VPS8: variants seen among roughly 807,000 people sequenced by gnomAD.
The protein encoded by VPS8 is VPS8 subunit of CORVET complex, also known as vacuolar protein sorting-associated protein 8 homolog.
Under a neutral mutation model 216.4 loss-of-function variants are expected in VPS8, and 129 were observed. That is an observed-to-expected ratio of 0.60 (90% confidence interval 0.52 to 0.69). The LOEUF (loss-of-function observed/expected upper bound fraction) is 0.69. Among genes scored for constraint, VPS8 ranks in the 30% least tolerant of loss-of-function variants. The pLI, the probability that VPS8 is intolerant of heterozygous loss-of-function variation, is 0.00. For missense variants in VPS8, 1,531 were observed against 1,683.5 expected, an observed-to-expected ratio of 0.91 and a Z score of 1.59; for synonymous variants, 571 against 565.4, an observed-to-expected ratio of 1.01 and a Z score of -0.14.
intron 36 of VPS8, among the ~76,000 whole-genome samples, chr3:184,949,127 GA>G (rs1190704577): frequency 6.6e-6 from 1 of 152,008 alleles, no homozygotes; most frequent in Non-Finnish European, 1.5e-5. Context: ...GCAACACAGT[GA>G]AACTCTATCT....
intron 23 of VPS8, among the ~76,000 whole-genome samples, chr3:184,895,408 CA>C (rs2108941327): frequency 6.6e-6 from 1 of 151,848 alleles, no homozygotes; most frequent in East Asian, 1.9e-4. Flanking sequence ...TGGTATATAA[CA>C]GGCAAGTTAT....
At chr3:184,828,876 C>T (rs143806451) in intron 3 of VPS8, among the ~76,000 whole-genome samples, 101 of 152,322 alleles carry the variant, frequency 6.6e-4, no homozygotes, top group African/African-American at 1.9e-3. Flanking sequence ...ACCCTAGAAG[C>T]TCATCTTGTG....
intron 15 of VPS8, among the ~76,000 whole-genome samples, chr3:184,860,311 C>CT (rs1726047179): frequency 1.3e-5 from 2 of 150,096 alleles, no homozygotes; most frequent in African/African-American, 4.9e-5. Context: ...AGTCACTGCA[C>CT]TCCAGCCTGG....
At chr3:184,899,783 T>C (rs1321883004) in intron 24 of VPS8, among the ~76,000 whole-genome samples, 1 of 152,226 alleles carries the variant, frequency 6.6e-6, no homozygotes, top group African/African-American at 2.4e-5. Flanking sequence ...AGATTCTATT[T>C]TGATGCATTC....
chr3:184,983,719 C>G (rs899061253), intron 42 of VPS8, among the ~76,000 whole-genome samples: 2 of 152,078 alleles, frequency 1.3e-5, no homozygotes, highest in Admixed American at 6.6e-5. Context: ...AGGAATTATA[C>G]TTAGAATCCA....
chr3:184,979,810 CTAT>C (rs1451032425), intron 40 of VPS8, among the ~76,000 whole-genome samples: 1 of 152,122 alleles, frequency 6.6e-6, no homozygotes, highest in Non-Finnish European at 1.5e-5. Flanking sequence ...TTCAAGGATA[CTAT>C]TGTTATGTGC....
chr3:184,940,160 A>G (rs900503180), intron 35 of VPS8, 37 bp from the exon 36 acceptor site: 2 of 1,303,666 alleles, frequency 1.5e-6, no homozygotes, highest in Non-Finnish European at 2.1e-6. Context: ...AATTTGTTTT[A>G]ATATTTAATT....
In VPS8 at chr3:184,870,698, A is replaced by G. The variant is rs371171038; in HGVS notation, c.1645-18A>G. ...AGAGATATATTTTAATGTCTATGCC[A>G]GGCTGTTTTCCTTACAGATGGTAGA... On this transcript the variant is annotated intron_variant, in intron 20 of 47. Transcript: ENST00000625842. 1.5e-4 allele frequency: 241 copies of G among 1,593,826 alleles called. No individual in the cohort carries two copies. The highest frequency in any genetic ancestry group is 3.3e-4 in the Middle Eastern group (2 of 6,044).
rs192012491 is a variant in VPS8 at position 184,977,178 on chromosome 3, C to T, written c.3421-5388C>T. ...CATTGTCACTGGTGTGAGATGGTAT[C>T]TTATTGATTTGCATTTCTCTGATGA... On this transcript the variant is annotated intron_variant, in intron 40 of 47. Transcript: ENST00000625842. Among the ~76,000 whole-genome samples, 175 of 152,074 alleles carry T rather than the reference C, an allele frequency of 1.2e-3. 2 individuals are homozygous for T. The highest frequency in any genetic ancestry group is 4.1e-3 in the African/African-American group (169 of 41,520).
intron 36 of VPS8, among the ~76,000 whole-genome samples, chr3:184,942,019 T>C (rs1742792314): frequency 6.6e-6 from 1 of 152,146 alleles, no homozygotes; most frequent in Admixed American, 6.5e-5. Flanking sequence ...TTATGTCTTA[T>C]ATAGGAGGTA....
intron 9 of VPS8, 128 bp downstream of exon 9, chr3:184,849,323 A>T (rs1265056550): frequency 3.6e-6 from 4 of 1,120,310 alleles, no homozygotes; most frequent in Non-Finnish European, 3.7e-6. Context: ...CTAACCAGAG[A>T]TTGCTGAATC....
chr3:184,955,592 A>G (rs761969966), intron 36 of VPS8, among the ~76,000 whole-genome samples: 4 of 151,692 alleles, frequency 2.6e-5, no homozygotes, highest in Non-Finnish European at 4.4e-5. Flanking sequence ...GGGCCCAGCT[A>G]TTGTCTCTTT....
At chr3:184,877,166 T>C (rs552510999) in intron 21 of VPS8, among the ~76,000 whole-genome samples, 2 of 152,342 alleles carry the variant, frequency 1.3e-5, no homozygotes, top group South Asian at 4.1e-4. Context: ...CTCAACTAGC[T>C]CTGTTTATTT....
chr3:184,882,316 A>G (rs1208882677), intron 21 of VPS8: 1 of 441,348 alleles, frequency 2.3e-6, no homozygotes, highest in Non-Finnish European at 4.5e-6. Context: ...TTTTCTATGT[A>G]ATTAATATGA....
intron 1 of VPS8, among the ~76,000 whole-genome samples, chr3:184,823,824 G>C (rs1384422813): frequency 1.3e-5 from 2 of 152,132 alleles, no homozygotes; most frequent in East Asian, 1.9e-4. Flanking sequence ...TGTGATTTTT[G>C]ATATAAGTGT....
chr3:184,949,878 T>TTTGTTGTTG (rs71162269), intron 36 of VPS8, among the ~76,000 whole-genome samples: 1 of 150,534 alleles, frequency 6.6e-6, no homozygotes, highest in African/African-American at 2.4e-5. Context: ...AATAGGGGTT[T>TTTGTTGTTG]TTGTTGTTGT....
At chr3:184,867,120 C>T (rs1015039565) in intron 17 of VPS8, among the ~76,000 whole-genome samples, 170 bp downstream of exon 17, 10 of 152,164 alleles carry the variant, frequency 6.6e-5, no homozygotes, top group East Asian at 1.9e-4. Context: ...TTTTTTTCCT[C>T]TACTTTTAGA....
chr3:184,956,372 A>G (rs1745603853), intron 36 of VPS8, among the ~76,000 whole-genome samples: 1 of 152,238 alleles, frequency 6.6e-6, no homozygotes, highest in African/African-American at 2.4e-5. Context: ...AGTGGACCAA[A>G]CAAATATCTT....
At chr3:184,986,164 G>A (rs896779551) in intron 42 of VPS8, among the ~76,000 whole-genome samples, 1 of 152,162 alleles carries the variant, frequency 6.6e-6, no homozygotes, top group African/African-American at 2.4e-5. Context: ...CCTGGAAGAG[G>A]AGATGTCTGA....
Sources: allele counts gnomAD v4.1 joint callset (sites outside exome capture counted in the v4.1 genomes callset), GRCh38; gene constraint gnomAD v4.1.1; transcripts MANE v1.5; gene names NCBI Gene and HGNC (gene_info 2026-07-23, HGNC 2026-07-21).